Variants in GRID2 observed in about 807,000 individuals in gnomAD.
GRID2 encodes the protein glutamate ionotropic receptor delta type subunit 2, also known as glutamate receptor ionotropic, delta-2.
Under a neutral mutation model 114.8 loss-of-function variants are expected in GRID2, and 33 were observed. The ratio of observed to expected loss-of-function variants is 0.29; its 90% CI spans 0.22 to 0.38. GRID2 has a LOEUF of 0.38. GRID2 is among the 10% of genes least tolerant of loss of function. The pLI is 1.00. For synonymous variants in GRID2, 505 were observed against 449.9 expected, an observed-to-expected ratio of 1.12 and a Z score of -1.55; for missense variants, 1,184 against 1,257.7, an observed-to-expected ratio of 0.94 and a Z score of 0.89.
chr4:92,831,403 G>A (rs1047576054), intron 2 of GRID2, among the ~76,000 whole-genome samples: 7 of 151,872 alleles, frequency 4.6e-5, no homozygotes, highest in African/African-American at 7.2e-5. Context: ...CAACAAAAAC[G>A]TGAGCTAAAT....
chr4:92,956,245 C>T (rs982929850), intron 2 of GRID2, among the ~76,000 whole-genome samples: 4 of 152,096 alleles, frequency 2.6e-5, no homozygotes, highest in African/African-American at 4.8e-5. Flanking sequence ...ATTACCAACC[C>T]GGGTTCACAG....
chr4:93,220,801 C>G (rs1010754478), intron 6 of GRID2, among the ~76,000 whole-genome samples: 1 of 152,140 alleles, frequency 6.6e-6, no homozygotes, highest in Non-Finnish European at 1.5e-5. Context: ...TGGTCATTCA[C>G]AAGATTCTAT....
intron 2 of GRID2, among the ~76,000 whole-genome samples, chr4:92,751,288 A>C (rs1430196840): frequency 6.6e-6 from 1 of 152,202 alleles, no homozygotes; most frequent in Non-Finnish European, 1.5e-5. Context: ...AAGCATTTAA[A>C]ATATGAAAAT....
In GRID2 at chr4:92,849,348, C is replaced by G. The variant is rs140115430; in HGVS notation, c.245-235647C>G. 2.0e-5 allele frequency among the ~76,000 whole-genome samples: 3 copies of G among 151,956 alleles called. No individual in the cohort carries two copies. In the East Asian group the frequency reaches 5.8e-4, roughly 29 times the overall value. On this transcript the variant is annotated intron_variant, in intron 2 of 15. Transcript: ENST00000282020. The stretch of plus-strand genomic sequence containing the variant: ...GGAGATGGTGGAATGTATTCTTTGA[C>G]TTGGGGATTTATAACAGTTGGTACA...
intron 1 of GRID2, among the ~76,000 whole-genome samples, chr4:92,426,420 G>T (rs146259676): frequency 8.7e-4 from 132 of 152,178 alleles, no homozygotes; most frequent in African/African-American, 3.1e-3. Context: ...ACACAGTTGG[G>T]AATAACCAAT....
chr4:93,478,958 G>A (rs1221447088), intron 11 of GRID2, among the ~76,000 whole-genome samples: 2 of 151,954 alleles, frequency 1.3e-5, no homozygotes, highest in African/African-American at 4.8e-5. Context: ...AAAACCAACT[G>A]AAATAACAAT....
intron 1 of GRID2, among the ~76,000 whole-genome samples, chr4:92,364,227 CAA>C (rs1325772764): frequency 1.3e-5 from 2 of 151,900 alleles, no homozygotes; most frequent in Non-Finnish European, 2.9e-5. Context: ...GTAGCCTCTG[CAA>C]AAGTTAGCAT....
At chr4:92,956,751 T>A (rs983467625) in intron 2 of GRID2, among the ~76,000 whole-genome samples, 4 of 152,240 alleles carry the variant, frequency 2.6e-5, no homozygotes, top group African/African-American at 9.6e-5. Flanking sequence ...ATAGCAGCTG[T>A]AACAATTTGC....
chr4:93,075,902 T>A (rs1190463575), intron 2 of GRID2, among the ~76,000 whole-genome samples: 1 of 51,078 alleles, frequency 2.0e-5, no homozygotes, highest in South Asian at 7.9e-4. Context: ...TTTTTTTTTT[T>A]TTTTTTTTTT....
At chr4:93,692,826 C>G (rs1262501031) in intron 14 of GRID2, among the ~76,000 whole-genome samples, 1 of 152,092 alleles carries the variant, frequency 6.6e-6, no homozygotes, top group Non-Finnish European at 1.5e-5. Flanking sequence ...TAACTACTTA[C>G]AGTTTTTGCA....
At chr4:93,342,723 C>T (rs1352311037) in intron 8 of GRID2, among the ~76,000 whole-genome samples, 1 of 152,136 alleles carries the variant, frequency 6.6e-6, no homozygotes, top group Non-Finnish European at 1.5e-5. Flanking sequence ...AGAGCAAAAT[C>T]AACTATGGTG....
intron 2 of GRID2, among the ~76,000 whole-genome samples, chr4:92,973,372 G>A (rs1328051346): frequency 6.6e-6 from 1 of 152,142 alleles, no homozygotes; most frequent in Admixed American, 6.5e-5. Flanking sequence ...TAAGAACAGA[G>A]AAATAGTTAC....
At chr4:93,061,193 C>T (rs1381243315) in intron 2 of GRID2, among the ~76,000 whole-genome samples, 7 of 104,086 alleles carry the variant, frequency 6.7e-5, no homozygotes, top group Admixed American at 2.3e-4. Context: ...TCAGGTTTTT[C>T]TTGTTTTTTT....
chr4:93,218,244 C>T (rs1579323491), intron 6 of GRID2, among the ~76,000 whole-genome samples: 1 of 152,042 alleles, frequency 6.6e-6, no homozygotes, highest in Non-Finnish European at 1.5e-5. Flanking sequence ...GCTACACCTA[C>T]AATCCCAGCA....
At chr4:92,583,182 C>T (rs1380990381) in intron 1 of GRID2, among the ~76,000 whole-genome samples, 1 of 151,920 alleles carries the variant, frequency 6.6e-6, no homozygotes, top group African/African-American at 2.4e-5. Context: ...AGTTTCATTT[C>T]CCTCAAAGGG....
intron 2 of GRID2, among the ~76,000 whole-genome samples, chr4:92,690,107 T>C (rs1734104247): frequency 6.6e-6 from 1 of 152,094 alleles, no homozygotes; most frequent in African/African-American, 2.4e-5. Context: ...ACAGCATGCT[T>C]AATGGGCACC....
At chr4:93,058,923 G>C (rs1381236148) in intron 2 of GRID2, among the ~76,000 whole-genome samples, 1 of 151,980 alleles carries the variant, frequency 6.6e-6, no homozygotes, top group Non-Finnish European at 1.5e-5. Context: ...CTTTGTATCA[G>C]AATGCTAGTA....
At chr4:92,330,124 C>T (rs1726806504) in intron 1 of GRID2, among the ~76,000 whole-genome samples, 1 of 152,058 alleles carries the variant, frequency 6.6e-6, no homozygotes, top group East Asian at 1.9e-4. Flanking sequence ...GGGAAGAAAA[C>T]ATAACATTAT....
intron 1 of GRID2, among the ~76,000 whole-genome samples, chr4:92,459,690 T>C (rs1721384488): frequency 6.6e-6 from 1 of 152,066 alleles, no homozygotes; most frequent in Admixed American, 6.6e-5. Flanking sequence ...TTACTTGTGA[T>C]GGCTAATTTC....
Sources: allele counts gnomAD v4.1 joint callset (sites outside exome capture counted in the v4.1 genomes callset), GRCh38; gene constraint gnomAD v4.1.1; transcripts MANE v1.5; gene names NCBI Gene and HGNC (gene_info 2026-07-23, HGNC 2026-07-21).